The following NETO1 variants were observed in gnomAD, a reference collection of about 807,000 sequenced individuals.
NETO1 encodes the protein neuropilin and tolloid like 1, also known as neuropilin and tolloid-like protein 1.
NETO1 carries 26 observed loss-of-function variants against 61.3 expected under a neutral mutation model. That is an observed-to-expected ratio of 0.42 (90% CI 0.31 to 0.59). The LOEUF (loss-of-function observed/expected upper bound fraction) is 0.59. Among genes scored for constraint, NETO1 ranks in the 20% least tolerant of loss-of-function variants. The pLI is 0.12. For synonymous variants in NETO1, 225 were observed against 225.8 expected (o/e 1.00, Z 0.03); for missense variants, 531 against 662.8 (o/e 0.80, Z 2.18).
At chr18:72,817,757 A>G (rs1170854984) in intron 4 of NETO1, among the ~76,000 whole-genome samples, 1 of 152,244 alleles carries the variant, frequency 6.6e-6, no homozygotes, top group East Asian at 1.9e-4. Flanking sequence ...TTGGTTGGAA[A>G]AATTGTGACT....
chr18:72,859,638 A>C (rs1197938073), intron 3 of NETO1, among the ~76,000 whole-genome samples: 2 of 152,176 alleles, frequency 1.3e-5, no homozygotes, highest in Non-Finnish European at 2.9e-5. Flanking sequence ...TGCATTCAAC[A>C]CACATTATCC....
At chr18:72,803,206 C>T (rs2072563495) in intron 4 of NETO1, among the ~76,000 whole-genome samples, 1 of 152,176 alleles carries the variant, frequency 6.6e-6, no homozygotes, top group South Asian at 2.1e-4. Flanking sequence ...TTGACAGCTT[C>T]CCAACGCTGA....
At chr18:72,840,779 T>C (rs868546166) in intron 4 of NETO1, among the ~76,000 whole-genome samples, 117 of 152,246 alleles carry the variant, frequency 7.7e-4, no homozygotes, top group East Asian at 3.3e-3. Context: ...CAGTCAATGT[T>C]TGTTTTAGGG....
At position 72,754,736 on chromosome 18, in the gene NETO1, T is replaced by G. The variant is rs549055874; in HGVS notation, c.982+1298A>C. Among the ~76,000 whole-genome samples the G allele has an allele frequency of 1.2e-4, 19 of 152,248 alleles. No homozygotes were observed. In the East Asian group the frequency reaches 3.7e-3, roughly 29 times the overall value. ...ATTCAACCATGATAGCTGAAAAATTTAACACCCACTTTCAATAATGGATAA... is the reference window on the plus strand; with the variant it reads ...ATTCAACCATGATAGCTGAAAAATTGAACACCCACTTTCAATAATGGATAA... On this transcript the variant is annotated intron_variant, in intron 8 of 10. Coordinates refer to ENST00000327305, the MANE Select transcript of NETO1 (RefSeq NM_138966.5).
intron 8 of NETO1, among the ~76,000 whole-genome samples, chr18:72,751,791 C>CA (rs778701818): frequency 3.9e-5 from 6 of 152,306 alleles, no homozygotes; most frequent in Non-Finnish European, 8.8e-5. Flanking sequence ...AAGCTGTGCC[C>CA]AGAAAGAGAG....
chr18:72,833,535 A>C (rs1182542503), intron 4 of NETO1, among the ~76,000 whole-genome samples: 2 of 152,182 alleles, frequency 1.3e-5, no homozygotes, highest in Non-Finnish European at 2.9e-5. Flanking sequence ...AAACTGGTTT[A>C]GTAAATGAAT....
chr18:72,835,948 T>C (rs903058167), intron 4 of NETO1, among the ~76,000 whole-genome samples: 2 of 152,124 alleles, frequency 1.3e-5, no homozygotes, highest in Admixed American at 1.3e-4. Context: ...ACAAGAAACA[T>C]GCATATCTCT....
At chr18:72,856,603 T>C (rs577441391) in intron 4 of NETO1, among the ~76,000 whole-genome samples, 2 of 152,302 alleles carry the variant, frequency 1.3e-5, no homozygotes, top group Admixed American at 6.5e-5. Context: ...TATTGAGAGA[T>C]AGAATATAAA....
At chr18:72,814,931 GA>G (rs72121412) in intron 4 of NETO1, among the ~76,000 whole-genome samples, 3 of 150,086 alleles carry the variant, frequency 2.0e-5, no homozygotes, top group Admixed American at 6.6e-5. Flanking sequence ...GCTTATCAAA[GA>G]AAAAAAAATT....
At chr18:72,764,839 G>C (rs531240221) in intron 7 of NETO1, among the ~76,000 whole-genome samples, 6 of 152,196 alleles carry the variant, frequency 3.9e-5, no homozygotes, top group Middle Eastern at 3.4e-3. Flanking sequence ...CAGGCGAAAG[G>C]CTCAAGACCA....
intron 4 of NETO1, among the ~76,000 whole-genome samples, chr18:72,815,129 A>T (rs1425566547): frequency 6.6e-6 from 1 of 152,156 alleles, no homozygotes; most frequent in Non-Finnish European, 1.5e-5. Context: ...TCATGTTGGT[A>T]TAACTCAGTA....
intron 10 of NETO1, 97 bp downstream of exon 10, chr18:72,748,916 AT>A: frequency 1.3e-6 from 1 of 787,996 alleles, no homozygotes; most frequent in Non-Finnish European, 2.2e-6. Flanking sequence ...ATCTCAAGAA[AT>A]AATGGATAAA....
intron 7 of NETO1, among the ~76,000 whole-genome samples, chr18:72,769,518 C>A (rs753034819): frequency 6.6e-6 from 1 of 152,148 alleles, no homozygotes; most frequent in East Asian, 1.9e-4. Context: ...AGACTTAATA[C>A]ATCTTTTCAG....
At chr18:72,814,473 GA>G (rs201781069) in intron 4 of NETO1, among the ~76,000 whole-genome samples, 10 of 151,158 alleles carry the variant, frequency 6.6e-5, no homozygotes, top group East Asian at 1.9e-4. Flanking sequence ...AACTAAAAAA[GA>G]AAAAAAAGAA....
chr18:72,852,786 A>C (rs772088469), intron 4 of NETO1, among the ~76,000 whole-genome samples: 1 of 151,632 alleles, frequency 6.6e-6, no homozygotes, highest in Non-Finnish European at 1.5e-5. Flanking sequence ...CTTCACATGA[A>C]TATCTTGATT....
chr18:72,776,194 G>A (rs747190953), intron 7 of NETO1, among the ~76,000 whole-genome samples: 26 of 152,310 alleles, frequency 1.7e-4, no homozygotes, highest in Non-Finnish European at 3.4e-4. Context: ...TGTGCAAACA[G>A]GAGCTGAAAA....
intron 7 of NETO1, among the ~76,000 whole-genome samples, chr18:72,773,546 C>T (rs949129716): frequency 3.3e-5 from 5 of 152,082 alleles, no homozygotes; most frequent in East Asian, 1.9e-4. Context: ...AGGTGTCAAG[C>T]GCAGGAACAG....
chr18:72,808,665 G>A (rs1482458816), intron 4 of NETO1, among the ~76,000 whole-genome samples: 1 of 152,178 alleles, frequency 6.6e-6, no homozygotes, highest in Non-Finnish European at 1.5e-5. Flanking sequence ...AATAAGATAA[G>A]GACACAATAA....
At chr18:72,861,864 A>G (rs2074582476) in intron 3 of NETO1, among the ~76,000 whole-genome samples, 1 of 152,192 alleles carries the variant, frequency 6.6e-6, no homozygotes, top group Non-Finnish European at 1.5e-5. Flanking sequence ...TGCCAATGGG[A>G]GTGCTCATCG....
Sources: allele counts gnomAD v4.1 joint callset (sites outside exome capture counted in the v4.1 genomes callset), GRCh38; gene constraint gnomAD v4.1.1; transcripts MANE v1.5; gene names NCBI Gene and HGNC (gene_info 2026-07-23, HGNC 2026-07-21).